PRKG1: variants seen among roughly 807,000 people sequenced by gnomAD.
The protein encoded by PRKG1 is protein kinase cGMP-dependent 1, also known as cGMP-dependent protein kinase 1.
A neutral mutation model predicts 88.1 loss-of-function variants in PRKG1; 35 were observed. That is an observed-to-expected ratio of 0.40 (90% confidence interval 0.30 to 0.53). The LOEUF (loss-of-function observed/expected upper bound fraction) is 0.53, where lower values mean the gene tolerates loss of function less well. Among genes scored for constraint, PRKG1 ranks in the 20% least tolerant of loss-of-function variants. PRKG1 has a pLI of 0.59. For missense variants in PRKG1, 540 were observed against 839.8 expected (o/e 0.64, Z 4.41); for synonymous variants, 303 against 292.5 (o/e 1.04, Z -0.37).
At chr10:51,943,403 G>A (rs1252777444) in intron 5 of PRKG1, among the ~76,000 whole-genome samples, 1 of 151,858 alleles carries the variant, frequency 6.6e-6, no homozygotes, top group East Asian at 1.9e-4. Context: ...CTGCAAACAG[G>A]GACAATTTGA....
intron 10 of PRKG1, among the ~76,000 whole-genome samples, chr10:52,265,885 C>T (rs902195658): frequency 6.6e-6 from 1 of 152,062 alleles, no homozygotes; most frequent in African/African-American, 2.4e-5. Flanking sequence ...TAACAATGTA[C>T]TGTAAATGAA....
intron 1 of PRKG1, among the ~76,000 whole-genome samples, chr10:51,143,089 A>C (rs1052888756): frequency 1.4e-4 from 22 of 151,960 alleles, no homozygotes; most frequent in Non-Finnish European, 1.0e-4. Flanking sequence ...CTCCCTATTA[A>C]ACTGTAATTA....
chr10:51,345,633 A>G (rs918090304), intron 2 of PRKG1, among the ~76,000 whole-genome samples: 2 of 152,220 alleles, frequency 1.3e-5, no homozygotes, highest in African/African-American at 4.8e-5. Flanking sequence ...CTCATTTGGA[A>G]CAAGCAAACA....
intron 3 of PRKG1, among the ~76,000 whole-genome samples, chr10:51,707,274 C>T (rs1841630326): frequency 6.6e-6 from 1 of 152,150 alleles, no homozygotes; most frequent in African/African-American, 2.4e-5. Flanking sequence ...AAGGGCCTGC[C>T]TGAACTTTGA....
intron 6 of PRKG1, among the ~76,000 whole-genome samples, chr10:52,062,027 T>A (rs1846247697): frequency 6.6e-6 from 1 of 151,998 alleles, no homozygotes; most frequent in Non-Finnish European, 1.5e-5. Flanking sequence ...GGTAAGTAAA[T>A]ATATTTACAT....
At chr10:51,600,585 C>T (rs1300047796) in intron 3 of PRKG1, among the ~76,000 whole-genome samples, 1 of 152,124 alleles carries the variant, frequency 6.6e-6, no homozygotes, top group African/African-American at 2.4e-5. Context: ...AACGTGCTAT[C>T]TCACCCAATA....
intron 5 of PRKG1, among the ~76,000 whole-genome samples, chr10:51,944,777 C>T (rs1842987488): frequency 6.6e-6 from 1 of 152,044 alleles, no homozygotes; most frequent in African/African-American, 2.4e-5. Flanking sequence ...GAGTGAGTTT[C>T]TTAATCCTGA....
chr10:51,608,321 A>T (rs914813158), intron 3 of PRKG1, among the ~76,000 whole-genome samples: 1 of 152,184 alleles, frequency 6.6e-6, no homozygotes, highest in East Asian at 1.9e-4. Context: ...CTTCTCCCTG[A>T]GAAGTGTGGG....
At chr10:52,203,759 T>C (rs1839737831) in intron 9 of PRKG1, among the ~76,000 whole-genome samples, 1 of 152,242 alleles carries the variant, frequency 6.6e-6, no homozygotes, top group Non-Finnish European at 1.5e-5. Context: ...ATTTTACCAT[T>C]ATATAATGCC....
In PRKG1 at chr10:51,611,484, TA is replaced by T. The variant is rs58617683; in HGVS notation, c.592+143658del. Among the ~76,000 whole-genome samples, 731 of 149,624 alleles carry T rather than the reference TA, an allele frequency of 4.9e-3. 4 individuals are homozygous for T. The highest frequency in any genetic ancestry group is 0.038 in the Middle Eastern group (11 of 288). ...TTTAATAAGATTATTTGCCCTTTTT[TA>T]AAAAAAAAACGTTAAATTGTTTCTT... On this transcript the variant is annotated intron_variant, in intron 3 of 17. Transcript: ENST00000373980.
At chr10:51,847,139 A>C (rs2132793313) in intron 4 of PRKG1, among the ~76,000 whole-genome samples, 1 of 152,280 alleles carries the variant, frequency 6.6e-6, no homozygotes, top group Admixed American at 6.5e-5. Flanking sequence ...ATTTAAAATG[A>C]AGGCAGGTGC....
chr10:51,644,383 A>G (rs2132302849), intron 3 of PRKG1, among the ~76,000 whole-genome samples: 1 of 152,252 alleles, frequency 6.6e-6, no homozygotes, highest in Admixed American at 6.5e-5. Context: ...CTTAATGTCT[A>G]GATCCATTTG....
chr10:51,982,417 G>A (rs1844033200), intron 5 of PRKG1, among the ~76,000 whole-genome samples: 1 of 152,196 alleles, frequency 6.6e-6, no homozygotes, highest in Non-Finnish European at 1.5e-5. Flanking sequence ...GAGTTCTTGA[G>A]CTGGTTCTTT....
At chr10:52,154,794 A>G (rs1838044948) in intron 8 of PRKG1, among the ~76,000 whole-genome samples, 1 of 151,788 alleles carries the variant, frequency 6.6e-6, no homozygotes, top group Non-Finnish European at 1.5e-5. Flanking sequence ...CTCCCACCCC[A>G]CTTCCACCCT....
intron 5 of PRKG1, among the ~76,000 whole-genome samples, chr10:52,033,017 G>C (rs1845509071): frequency 6.6e-6 from 1 of 152,104 alleles, no homozygotes; most frequent in Non-Finnish European, 1.5e-5. Context: ...TTTATACTTA[G>C]GATGTGGGCT....
chr10:52,146,776 T>C (rs1047725744), intron 8 of PRKG1, among the ~76,000 whole-genome samples: 1 of 152,212 alleles, frequency 6.6e-6, no homozygotes, highest in African/African-American at 2.4e-5. Context: ...ACTTTACCCC[T>C]GTTTTAGAAA....
intron 8 of PRKG1, among the ~76,000 whole-genome samples, chr10:52,147,458 A>C (rs189538504): frequency 6.6e-6 from 1 of 152,342 alleles, no homozygotes; most frequent in Non-Finnish European, 1.5e-5. Context: ...TTCAGAGAGA[A>C]ATTAATGATC....
chr10:51,459,171 C>T (rs1839674268), intron 2 of PRKG1, among the ~76,000 whole-genome samples: 1 of 152,024 alleles, frequency 6.6e-6, no homozygotes, highest in African/African-American at 2.4e-5. Context: ...TTTGACGTAC[C>T]TAAGCAGTAG....
chr10:51,896,645 TAAAAAA>T (rs10649150), intron 4 of PRKG1, among the ~76,000 whole-genome samples: 2 of 95,004 alleles, frequency 2.1e-5, no homozygotes, highest in East Asian at 3.0e-4. Flanking sequence ...CCCTGTCTCT[TAAAAAA>T]AAAAAAAAAA....
Sources: allele counts gnomAD v4.1 joint callset (sites outside exome capture counted in the v4.1 genomes callset), GRCh38; gene constraint gnomAD v4.1.1; transcripts MANE v1.5; gene names NCBI Gene and HGNC (gene_info 2026-07-23, HGNC 2026-07-21).